KPNA2: variants seen among roughly 807,000 people sequenced by gnomAD.
The protein encoded by KPNA2 is importin subunit alpha-1.
KPNA2 carries 20 observed loss-of-function variants against 53.7 expected under a neutral mutation model. The observed-to-expected ratio is 0.37, with a 90% confidence interval of 0.26 to 0.54. The LOEUF (loss-of-function observed/expected upper bound fraction) is 0.54. Among genes scored for constraint, KPNA2 ranks in the 20% least tolerant of loss-of-function variants. The pLI is 0.83. For synonymous variants in KPNA2, 238 were observed against 227.5 expected (o/e 1.05, Z -0.42); for missense variants, 515 against 640.3 (o/e 0.80, Z 2.11).
At chr17:68,041,429 C>T (rs1568276244) in intron 4 of KPNA2, among the ~76,000 whole-genome samples, 1 of 152,072 alleles carries the variant, frequency 6.6e-6, no homozygotes, top group Admixed American at 6.6e-5. Context: ...TGTGGTGGCA[C>T]ATGCCTGTAA....
Position 68,041,328 on chromosome 17 carries a change from C to G in KPNA2, c.302+562C>G, listed in dbSNP as rs574163714. On this transcript the variant is annotated intron_variant, in intron 4 of 10. Coordinates refer to ENST00000330459, the MANE Select transcript of KPNA2 (RefSeq NM_002266.4). ...CCTGTAATCCCAGCACTTTGGGAGGCCAAGGGGTCGGTTACTTGAGCCCAG... is the reference window on the plus strand; with the variant it reads ...CCTGTAATCCCAGCACTTTGGGAGGGCAAGGGGTCGGTTACTTGAGCCCAG... Among the ~76,000 whole-genome samples, 40 of 152,244 alleles carry G rather than the reference C, an allele frequency of 2.6e-4. No individual in the cohort carries two copies. In the East Asian group the frequency reaches 7.3e-3, roughly 28 times the overall value.
chr17:68,042,170 A>G lies in KPNA2; in HGVS notation c.388A>G (p.Arg130Gly). The G allele has an allele frequency of 6.2e-7, 1 of 1,614,018 alleles. No individual in the cohort carries two copies. The highest frequency in any genetic ancestry group is 8.5e-7 in the Non-Finnish European group (1 of 1,179,876). The part of the protein sequence containing the change: ...LIPKFVSFLG[R>G]TDCSPIQFES... ...TCCGAAATTTGTGTCCTTCTTGGGC[A>G]GAACTGATTGTAGTCCCATTCAGTT... The change falls in exon 5 of 11, where the codon AGA becomes GGA. Residue 130 changes from arginine to glycine, a missense_variant. Transcript: ENST00000330459.
Position 68,042,292 on chromosome 17 carries a change from G to T in KPNA2, c.510G>T (p.Leu170=). 6.2e-7 allele frequency: 1 copy of T among 1,614,218 alleles called. No individual in the cohort carries two copies. Among genetic ancestry groups the T allele is most frequent in the South Asian group, 1.1e-5 (1 of 91,082 alleles). The change falls in exon 5 of 11, where the codon CTG becomes CTT. Residue 170 remains leucine, a synonymous_variant. Coordinates refer to ENST00000330459, the MANE Select transcript of KPNA2 (RefSeq NM_002266.4). ...GTGCCATCCCAGCATTCATTTCTCT[G>T]TTGGCATCTCCCCATGCTCACATCA... The part of the protein sequence containing the change: ...DGGAIPAFIS[L]LASPHAHISE...
At chr17:68,041,564 T>A (rs2071260298) in intron 4 of KPNA2, among the ~76,000 whole-genome samples, 1 of 151,854 alleles carries the variant, frequency 6.6e-6, no homozygotes, top group African/African-American at 2.4e-5. Flanking sequence ...TCTCAAAAAA[T>A]AAATAAATAA....
intron 3 of KPNA2, among the ~76,000 whole-genome samples, chr17:68,037,802 T>C (rs143843548): frequency 0.035 from 5,319 of 151,310 alleles, 125 homozygotes; most frequent in South Asian, 0.11. Flanking sequence ...ATTTCTTCTT[T>C]TTTTTTTTTT....
intron 10 of KPNA2, 25 bp from the exon 11 acceptor site, chr17:68,046,479 T>A (rs1311283709): frequency 7.0e-7 from 1 of 1,437,902 alleles, no homozygotes. Context: ...ATCATTTTTA[T>A]ACTTATTTTT....
intron 3 of KPNA2, among the ~76,000 whole-genome samples, chr17:68,040,176 A>G (rs2071240920): frequency 6.6e-6 from 1 of 152,048 alleles, no homozygotes; most frequent in Admixed American, 6.6e-5. Context: ...AGACTAACGT[A>G]GAAATAATCT....
intron 4 of KPNA2, among the ~76,000 whole-genome samples, chr17:68,041,869 T>C (rs1174564172): frequency 6.6e-6 from 1 of 152,194 alleles, no homozygotes; most frequent in Non-Finnish European, 1.5e-5. Flanking sequence ...CTACATTAAT[T>C]TCTGGAAAAA....
intron 3 of KPNA2, among the ~76,000 whole-genome samples, chr17:68,037,872 C>G (rs1274515486): frequency 6.6e-6 from 1 of 151,676 alleles, no homozygotes; most frequent in Non-Finnish European, 1.5e-5. Context: ...ACAATCGGCT[C>G]ACTGCAACCT....
Position 68,043,145 on chromosome 17 carries a change from C to T in KPNA2, c.712C>T (p.Arg238Cys), listed in dbSNP as rs1479386909. 9.3e-6 allele frequency: 15 copies of T among 1,613,932 alleles called. No individual in the cohort carries two copies. The highest frequency in any genetic ancestry group is 1.7e-5 in the Admixed American group (1 of 59,982). Residue 238 changes from arginine (R) to cysteine (C), a missense_variant, in exon 7 of 11, where the codon CGC (arginine) becomes TGC (cysteine). Arg to Cys is a radical substitution (Grantham distance 180). Transcript: ENST00000330459. ...NLTWTLSNLCRNKNPAPPIDA... is the reference protein window; with the variant it reads ...NLTWTLSNLCCNKNPAPPIDA... ...TACCTGGACACTTTCTAATCTTTGCCGCAACAAGAATCCTGCACCCCCGAT... is the reference window on the plus strand; with the variant it reads ...TACCTGGACACTTTCTAATCTTTGCTGCAACAAGAATCCTGCACCCCCGAT...
chr17:68,043,697 A>C (rs1225244314), intron 7 of KPNA2, 141 bp from the exon 8 acceptor site: 1 of 636,296 alleles, frequency 1.6e-6, no homozygotes, highest in Admixed American at 2.9e-5. Context: ...AAAAAAAAAA[A>C]AAGCATAATC....
intron 6 of KPNA2, 24 bp downstream of exon 6, chr17:68,043,023 T>G (rs782110688): frequency 6.2e-7 from 1 of 1,611,414 alleles, no homozygotes; most frequent in Non-Finnish European, 8.5e-7. Flanking sequence ...ATGAGTAAAG[T>G]TACTCACTTC....
In KPNA2 at chr17:68,037,485, G is replaced by A. The variant is rs369989302; in HGVS notation, c.203G>A (p.Arg68His). ...GCTACTTCTCCGCTGCAGGAAAACC[G>A]CAACAACCAGGTAAAAAATGTATTT... is the stretch of plus-strand genomic sequence containing the variant. ...DDATSPLQEN[R>H]NNQGTVNWSV... Residue 68 changes from arginine (R) to histidine (H), a missense_variant, in exon 3 of 11, where the codon CGC becomes CAC. By Grantham distance (29) the Arg-to-His change is conservative. Coordinates refer to ENST00000330459, the MANE Select transcript of KPNA2 (RefSeq NM_002266.4). 3 of 1,611,936 alleles carry A rather than the reference G, an allele frequency of 1.9e-6. No individual in the cohort carries two copies. Among genetic ancestry groups the A allele is most frequent in the Non-Finnish European group, 2.5e-6 (3 of 1,179,272 alleles).
chr17:68,036,229 C>G (rs1049855158), intron 1 of KPNA2: 7 of 152,220 alleles, frequency 4.6e-5, no homozygotes, highest in African/African-American at 1.4e-4. Context: ...GACACCTAGG[C>G]CCCGGGGGTG....
Position 68,046,695 on chromosome 17 carries a change from G to A in KPNA2, c.*99G>A. ...TCTTTCTTAAATGTGGTTTGTTACTGTAGCACTTTTTACACTGAAACTATA... is the reference window on the plus strand; with the variant it reads ...TCTTTCTTAAATGTGGTTTGTTACTATAGCACTTTTTACACTGAAACTATA... On this transcript the variant is annotated 3_prime_UTR_variant, in exon 11 of 11. Coordinates refer to ENST00000330459, the MANE Select transcript of KPNA2 (RefSeq NM_002266.4). The A allele has an allele frequency of 1.3e-6, 1 of 776,528 alleles. No homozygotes were observed. The highest frequency in any genetic ancestry group is 1.6e-5 in the South Asian group (1 of 63,234). 48.1% of individuals were successfully genotyped at this position (776,528 alleles called of 1,614,324 possible).
In KPNA2 at chr17:68,043,245, C is replaced by G; in HGVS notation, c.812C>G (p.Thr271Ser). The change falls in exon 7 of 11, where the codon ACC becomes AGC. Residue 271 changes from threonine to serine, a missense_variant. Coordinates refer to ENST00000330459, the MANE Select transcript of KPNA2 (RefSeq NM_002266.4). ...GATGATCCAGAAGTATTAGCAGATA[C>G]CTGCTGGGCTATTTCCTACCTTACT... The part of the protein sequence containing the change: ...HHDDPEVLAD[T>S]CWAISYLTDG... 6.2e-7 allele frequency: 1 copy of G among 1,614,004 alleles called. No homozygotes were observed. Among genetic ancestry groups the G allele is most frequent in the Non-Finnish European group, 8.5e-7 (1 of 1,179,862 alleles).
intron 3 of KPNA2, among the ~76,000 whole-genome samples, chr17:68,039,809 A>G (rs2071233370): frequency 6.7e-6 from 1 of 149,554 alleles, no homozygotes; most frequent in African/African-American, 2.5e-5. Context: ...ATGGTAGCTC[A>G]TGCCTGTAAT....
Position 68,043,162 on chromosome 17 carries a change from A to T in KPNA2, c.729A>T (p.Ala243=). Residue 243 remains alanine (A), a synonymous_variant, in exon 7 of 11, where the codon GCA becomes GCT. Transcript: ENST00000330459. ...LSNLCRNKNP[A]PPIDAVEQIL... is the part of the protein sequence containing the mutation. ...ATCTTTGCCGCAACAAGAATCCTGC[A>T]CCCCCGATAGATGCTGTTGAGCAGA... 1 of 1,613,996 alleles carries T rather than the reference A, an allele frequency of 6.2e-7. No homozygotes were observed. The highest frequency in any genetic ancestry group is 8.5e-7 in the Non-Finnish European group (1 of 1,179,998).
chr17:68,041,658 CG>C (rs1437268089), intron 4 of KPNA2, among the ~76,000 whole-genome samples: 2 of 152,018 alleles, frequency 1.3e-5, no homozygotes, highest in Admixed American at 1.3e-4. Flanking sequence ...CCCAGGAGGT[CG>C]AGGCTGCAGT....
Sources: allele counts gnomAD v4.1 joint callset (sites outside exome capture counted in the v4.1 genomes callset), GRCh38; gene constraint gnomAD v4.1.1; transcripts MANE v1.5; gene names NCBI Gene and HGNC (gene_info 2026-07-23, HGNC 2026-07-21).